Variants in GRID2 observed in about 807,000 individuals in gnomAD.
The protein encoded by GRID2 is glutamate receptor ionotropic, delta-2.
A neutral mutation model predicts 114.8 loss-of-function variants in GRID2; 33 were observed. The observed-to-expected ratio is 0.29, with a 90% confidence interval of 0.22 to 0.38. The LOEUF (loss-of-function observed/expected upper bound fraction) is 0.38. GRID2 is among the 10% of genes least tolerant of loss of function. The pLI is 1.00. For synonymous variants in GRID2, 505 were observed against 449.9 expected, an observed-to-expected ratio of 1.12 and a Z score of -1.55; for missense variants, 1,184 against 1,257.7, an observed-to-expected ratio of 0.94 and a Z score of 0.89.
intron 14 of GRID2, among the ~76,000 whole-genome samples, chr4:93,663,982 A>G (rs1723736193): frequency 6.6e-6 from 1 of 152,154 alleles, no homozygotes. Context: ...ACAATATAAG[A>G]TAAGGGAGAA....
At chr4:92,556,989 A>T (rs988979396) in intron 1 of GRID2, among the ~76,000 whole-genome samples, 2 of 152,156 alleles carry the variant, frequency 1.3e-5, no homozygotes, top group South Asian at 4.1e-4. Flanking sequence ...TAATAAGGAC[A>T]TTTTACCTTT....
intron 2 of GRID2, among the ~76,000 whole-genome samples, chr4:92,780,908 A>G (rs1454365328): frequency 6.6e-6 from 1 of 152,178 alleles, no homozygotes; most frequent in Non-Finnish European, 1.5e-5. Context: ...AATGACTAGT[A>G]TAATTACTTG....
intron 4 of GRID2, among the ~76,000 whole-genome samples, chr4:93,175,460 C>T (rs998988872): frequency 2.0e-5 from 3 of 151,896 alleles, no homozygotes; most frequent in African/African-American, 7.2e-5. Flanking sequence ...CGTGGGCCAC[C>T]GCACACAGCA....
intron 2 of GRID2, among the ~76,000 whole-genome samples, chr4:92,899,634 A>G (rs1051594439): frequency 6.6e-6 from 1 of 152,198 alleles, no homozygotes; most frequent in Non-Finnish European, 1.5e-5. Context: ...CAAGAAGAAC[A>G]CTATGATCTT....
intron 14 of GRID2, among the ~76,000 whole-genome samples, chr4:93,630,723 T>G (rs968968426): frequency 1.3e-5 from 2 of 152,188 alleles, no homozygotes; most frequent in African/African-American, 4.8e-5. Context: ...TTGAGAATTT[T>G]TAGAAATGGA....
At chr4:93,415,148 G>A (rs1158445294) in intron 9 of GRID2, among the ~76,000 whole-genome samples, 1 of 152,038 alleles carries the variant, frequency 6.6e-6, no homozygotes, top group African/African-American at 2.4e-5. Context: ...GAAGTCAAAT[G>A]TTGCCAAAGT....
At chr4:92,760,066 C>T (rs1737917276) in intron 2 of GRID2, among the ~76,000 whole-genome samples, 1 of 150,696 alleles carries the variant, frequency 6.6e-6, no homozygotes, top group Admixed American at 6.6e-5. Context: ...ATGGTGAAAC[C>T]TCATCTCTAC....
chr4:93,178,753 C>T (rs941300733), intron 4 of GRID2, among the ~76,000 whole-genome samples: 14 of 148,926 alleles, frequency 9.4e-5, no homozygotes, highest in East Asian at 4.0e-4. Flanking sequence ...TGTGTGTGTG[C>T]GCTGAGATCA....
At chr4:93,387,361 G>C (rs539495252) in intron 8 of GRID2, among the ~76,000 whole-genome samples, 1 of 151,988 alleles carries the variant, frequency 6.6e-6, no homozygotes, top group Non-Finnish European at 1.5e-5. Context: ...CATACTGAAG[G>C]CTTTTGAAAA....
At chr4:92,375,495 A>G (rs1729312169) in intron 1 of GRID2, among the ~76,000 whole-genome samples, 1 of 152,194 alleles carries the variant, frequency 6.6e-6, no homozygotes, top group Non-Finnish European at 1.5e-5. Flanking sequence ...TTAAGAGAAA[A>G]AGAGAGGTTA....
At position 93,044,610 on chromosome 4, in the gene GRID2, T is replaced by C. The variant is rs145986374; in HGVS notation, c.245-40385T>C. On this transcript the variant is annotated intron_variant, in intron 2 of 15. Coordinates refer to ENST00000282020, the MANE Select transcript of GRID2 (RefSeq NM_001510.4). Reference sequence around the variant, plus strand: ...TCAAAGAGAAAATAGGAGATTTTGTTATTGTTGCTTAAGCAACCATAAGCA... The same window carrying C: ...TCAAAGAGAAAATAGGAGATTTTGTCATTGTTGCTTAAGCAACCATAAGCA... Among the ~76,000 whole-genome samples the C allele has an allele frequency of 7.3e-4, 111 of 152,300 alleles. 2 individuals are homozygous for C. In the East Asian group the frequency reaches 0.02, roughly 28 times the overall value.
intron 1 of GRID2, among the ~76,000 whole-genome samples, chr4:92,487,618 C>T (rs1362857604): frequency 3.3e-5 from 5 of 152,010 alleles, no homozygotes; most frequent in African/African-American, 1.2e-4. Context: ...TATCTTTATT[C>T]TTCTATATGC....
chr4:93,437,732 A>C (rs553768832), intron 10 of GRID2, among the ~76,000 whole-genome samples: 1 of 152,232 alleles, frequency 6.6e-6, no homozygotes, highest in Admixed American at 6.5e-5. Flanking sequence ...CACTCCATTT[A>C]GATGACATTC....
intron 1 of GRID2, among the ~76,000 whole-genome samples, chr4:92,404,509 A>G (rs1482996569): frequency 6.6e-6 from 1 of 152,204 alleles, no homozygotes; most frequent in Non-Finnish European, 1.5e-5. Flanking sequence ...CAGAAATACC[A>G]TTAGACCCAG....
At chr4:93,464,106 T>TA (rs966479783) in intron 11 of GRID2, among the ~76,000 whole-genome samples, 3 of 152,170 alleles carry the variant, frequency 2.0e-5, no homozygotes, top group Admixed American at 2.0e-4. Flanking sequence ...GCTTAAGTAG[T>TA]AAAAATGGGA....
chr4:93,371,178 G>T (rs1762870541), intron 8 of GRID2, among the ~76,000 whole-genome samples: 1 of 152,158 alleles, frequency 6.6e-6, no homozygotes, highest in African/African-American at 2.4e-5. Flanking sequence ...AATCATATTT[G>T]TTGAGACTAT....
At chr4:92,305,532 C>T (rs904590777) in intron 1 of GRID2, among the ~76,000 whole-genome samples, 4 of 152,094 alleles carry the variant, frequency 2.6e-5, no homozygotes, top group African/African-American at 7.2e-5. Flanking sequence ...TGCCTCGCCT[C>T]GCCTCGCCTC....
At chr4:93,114,292 C>T (rs1004909426) in intron 4 of GRID2, among the ~76,000 whole-genome samples, 2 of 152,056 alleles carry the variant, frequency 1.3e-5, no homozygotes, top group Non-Finnish European at 2.9e-5. Flanking sequence ...CATTGATAAT[C>T]CTTGTCTTTC....
At chr4:92,609,140 C>G (rs897429712) in intron 2 of GRID2, among the ~76,000 whole-genome samples, 1 of 151,720 alleles carries the variant, frequency 6.6e-6, no homozygotes, top group Non-Finnish European at 1.5e-5. Context: ...TCACACACAG[C>G]TTGAAATACT....
Sources: gnomAD v4.1 joint callset for allele counts (sites outside exome capture counted in the v4.1 genomes callset) on GRCh38, gnomAD v4.1.1 for gene constraint, MANE v1.5 for transcripts, NCBI Gene and HGNC (gene_info 2026-07-23, HGNC 2026-07-21) for gene names.